RNF212B: variants seen among roughly 807,000 people sequenced by gnomAD.
RNF212B encodes ring finger protein 212B, also known as E3 ubiquitin-protein ligase RNF212B.
A neutral mutation model predicts 55.5 loss-of-function variants in RNF212B; 52 were observed. The ratio of observed to expected loss-of-function variants is 0.94; its 90% CI spans 0.75 to 1.18. RNF212B has a LOEUF of 1.18. RNF212B is among the 50% of genes most tolerant of loss of function. The probability of loss-of-function intolerance (pLI) is 0.00; values close to 1 mark genes in which losing one functional copy is unlikely to be tolerated. For synonymous variants in RNF212B, 99 were observed against 121.4 expected (o/e 0.82, Z 1.21); for missense variants, 289 against 350.4 (o/e 0.82, Z 1.40).
Position 23,259,366 on chromosome 14 carries a change from T to C in RNF212B, c.345-518T>C, listed in dbSNP as rs375821816. On this transcript the variant is annotated intron_variant, in intron 5 of 14. Transcript: ENST00000430154. ...ACTATGCCTGGCTAATTTTTGTATT[T>C]TTTTTTTTTTTTTGTAGAGAGGAGT... is the stretch of plus-strand genomic sequence containing the variant. 12 of 150,042 alleles carry C rather than the reference T, an allele frequency of 8.0e-5. No homozygotes were observed. In the South Asian group the frequency reaches 1.9e-3, roughly 24 times the overall value. 9.3% of individuals were successfully genotyped at this position (150,042 alleles called of 1,614,324 possible). A position where few individuals can be genotyped will look rare whatever the true frequency, so the allele number is the denominator to read the frequency against.
At chr14:23,216,177 C>T (rs981382596) in intron 2 of RNF212B, among the ~76,000 whole-genome samples, 5 of 151,826 alleles carry the variant, frequency 3.3e-5, no homozygotes, top group African/African-American at 9.7e-5. Context: ...ACCTGGGAGG[C>T]GGAGCTTGCA....
At chr14:23,221,012 T>G (rs1881522051) in intron 2 of RNF212B, among the ~76,000 whole-genome samples, 1 of 151,536 alleles carries the variant, frequency 6.6e-6, no homozygotes, top group Non-Finnish European at 1.5e-5. Flanking sequence ...AATAATAACA[T>G]TGAATGTAAA....
At chr14:23,228,728 A>G (rs761498390) in intron 2 of RNF212B, among the ~76,000 whole-genome samples, 11 of 152,302 alleles carry the variant, frequency 7.2e-5, no homozygotes, top group Non-Finnish European at 1.3e-4. Flanking sequence ...CATCATTTCA[A>G]GACTTATCAT....
chr14:23,186,256 T>C (rs929378798), intron 1 of RNF212B, among the ~76,000 whole-genome samples: 3 of 152,202 alleles, frequency 2.0e-5, no homozygotes, highest in African/African-American at 7.2e-5. Flanking sequence ...GTGACTAACA[T>C]TGAACACAAG....
Position 23,264,180 on chromosome 14 carries a change from C to T in RNF212B, c.531C>T (p.Ser177=). The change falls in exon 10 of 15, where the codon TCC becomes TCT. Residue 177 remains serine (S), a synonymous_variant. Transcript: ENST00000430154. ...FQHSSQVVSR[S]SSAESIPYRE... ...TTTGTTTCACCTTATACAGTCGGTC[C>T]TCCTCAGCGGAATCTATTCCTTATA... is the stretch of plus-strand genomic sequence containing the variant. 1 of 1,549,302 alleles carries T rather than the reference C, an allele frequency of 6.5e-7. No homozygotes were observed. The highest frequency in any genetic ancestry group is 8.7e-7 in the Non-Finnish European group (1 of 1,145,872).
chr14:23,232,689 TG>T lies in RNF212B; in HGVS notation c.-1-7650del, dbSNP rs1402412301. 3.4e-5 allele frequency among the ~76,000 whole-genome samples: 4 copies of T among 116,824 alleles called. No homozygotes were observed. In the East Asian group the frequency reaches 1.1e-3, roughly 33 times the overall value. The allele number at this position is 116,824 out of a possible 152,430, so 76.6% of individuals were successfully genotyped here. On this transcript the variant is annotated intron_variant, in intron 2 of 15. Coordinates refer to the RNF212B transcript ENST00000399910. Reference sequence around the variant, plus strand: ...CCAGCCGCCCCGTCTGGGAGGGAGGTGGGGGGTCAGCCCCCGCCCGGCCAGC... The same window carrying T: ...CCAGCCGCCCCGTCTGGGAGGGAGGTGGGGGTCAGCCCCCGCCCGGCCAGC...
chr14:23,241,747 T>G (rs1402639813), intron 2 of RNF212B, among the ~76,000 whole-genome samples: 1 of 151,748 alleles, frequency 6.6e-6, no homozygotes, highest in African/African-American at 2.4e-5. Context: ...AGAAGAATGT[T>G]ATGTACTTTC....
At position 23,241,884 on chromosome 14, in the gene RNF212B, C is replaced by G. The variant is rs193124069; in HGVS notation, c.101-1372C>G. 1.8e-3 allele frequency among the ~76,000 whole-genome samples: 265 copies of G among 151,052 alleles called. 2 individuals are homozygous for G. The highest frequency in any genetic ancestry group is 0.015 in the Admixed American group (230 of 15,192). ...GGATCACAAGGTCGGGAGATTGAGACCATCCTGCTAACACGGTGAAACCCC... is the reference window on the plus strand; with the variant it reads ...GGATCACAAGGTCGGGAGATTGAGAGCATCCTGCTAACACGGTGAAACCCC... On this transcript the variant is annotated intron_variant, in intron 2 of 14. Coordinates refer to ENST00000430154, the MANE Select transcript of RNF212B (RefSeq NM_001282322.3).
At chr14:23,263,748 T>TAC (rs1885474353) in intron 9 of RNF212B, among the ~76,000 whole-genome samples, 1 of 151,846 alleles carries the variant, frequency 6.6e-6, no homozygotes, top group Non-Finnish European at 1.5e-5. Flanking sequence ...ATGTGCCCCT[T>TAC]CCCCCAAAAA....
intron 2 of RNF212B, among the ~76,000 whole-genome samples, chr14:23,220,271 C>A (rs1881448333): frequency 6.6e-6 from 1 of 152,012 alleles, no homozygotes; most frequent in Admixed American, 6.6e-5. Flanking sequence ...GTGGCTTATG[C>A]CTGTAATTTC....
At chr14:23,206,786 CTG>C (rs764958014) in intron 2 of RNF212B, among the ~76,000 whole-genome samples, 14 of 152,086 alleles carry the variant, frequency 9.2e-5, no homozygotes, top group Non-Finnish European at 1.6e-4. Flanking sequence ...AAACTATACT[CTG>C]TCTTAAAAAC....
chr14:23,256,849 G>A (rs1884871278), intron 4 of RNF212B, among the ~76,000 whole-genome samples: 1 of 152,064 alleles, frequency 6.6e-6, no homozygotes, highest in African/African-American at 2.4e-5. Flanking sequence ...ATCACGCCTG[G>A]CTAAATTTTT....
chr14:23,260,053 A>G (rs1885183252), intron 6 of RNF212B, 109 bp downstream of exon 6: 1 of 561,208 alleles, frequency 1.8e-6, no homozygotes, highest in African/African-American at 1.9e-5. Flanking sequence ...CATGGCACAC[A>G]CAGAAATTGA....
intron 4 of RNF212B, among the ~76,000 whole-genome samples, chr14:23,256,328 T>C (rs1422806625): frequency 6.6e-6 from 1 of 152,110 alleles, no homozygotes; most frequent in Non-Finnish European, 1.5e-5. Context: ...CCATTTTAGG[T>C]AATTCCCAGG....
chr14:23,252,258 C>T (rs1884471257), intron 4 of RNF212B, among the ~76,000 whole-genome samples: 1 of 151,850 alleles, frequency 6.6e-6, no homozygotes, highest in African/African-American at 2.4e-5. Context: ...AAAAGATGCT[C>T]CTATCACTCA....
rs1594925043 is a variant in RNF212B, at chr14:23,243,848, G to A, written c.154-474G>A. 2.0e-5 allele frequency among the ~76,000 whole-genome samples: 3 copies of A among 151,980 alleles called. No individual in the cohort carries two copies. In the East Asian group the frequency reaches 5.8e-4, roughly 29 times the overall value. On this transcript the variant is annotated intron_variant, in intron 3 of 14. Coordinates refer to ENST00000430154, the MANE Select transcript of RNF212B (RefSeq NM_001282322.3). The stretch of plus-strand genomic sequence containing the variant: ...TCCCAGCACTTTGGGAGGCTGATGC[G>A]GGTGGATCACCTGAGGTCAGGAGTT...
At chr14:23,195,592 T>G (rs1475185664) in intron 2 of RNF212B, among the ~76,000 whole-genome samples, 2 of 152,186 alleles carry the variant, frequency 1.3e-5, no homozygotes, top group Non-Finnish European at 2.9e-5. Context: ...TCATTTCGTG[T>G]GCTCAGTATC....
At chr14:23,199,524 T>C (rs1879075099) in intron 2 of RNF212B, among the ~76,000 whole-genome samples, 1 of 152,286 alleles carries the variant, frequency 6.6e-6, no homozygotes, top group African/African-American at 2.4e-5. Context: ...CCTTTCATAT[T>C]TCCCCCCTTT....
intron 2 of RNF212B, among the ~76,000 whole-genome samples, chr14:23,231,045 G>A (rs1882570151): frequency 6.6e-6 from 1 of 152,036 alleles, no homozygotes; most frequent in South Asian, 2.1e-4. Flanking sequence ...TTTGAAATTG[G>A]GCAATATGAG....
Sources: gnomAD v4.1 joint callset for allele counts (sites outside exome capture counted in the v4.1 genomes callset) on GRCh38, gnomAD v4.1.1 for gene constraint, MANE v1.5 for transcripts, NCBI Gene and HGNC (gene_info 2026-07-23, HGNC 2026-07-21) for gene names.